The following TNN variants were observed in gnomAD, a reference collection of about 807,000 sequenced individuals.
TNN encodes the protein tenascin-N.
In TNN, 122 loss-of-function variants were observed where a neutral mutation model predicts 134.4. The observed-to-expected ratio is 0.91, with a 90% CI of 0.78 to 1.06. The LOEUF (loss-of-function observed/expected upper bound fraction) is 1.06. TNN is among the 50% of genes least tolerant of loss of function. TNN has a pLI of 0.00. For synonymous variants in TNN, 710 were observed against 670.3 expected, an observed-to-expected ratio of 1.06 and a Z score of -0.91; for missense variants, 1,739 against 1,699.4, an observed-to-expected ratio of 1.02 and a Z score of -0.41.
At chr1:175,134,994 A>T (rs1675760625) in intron 15 of TNN, among the ~76,000 whole-genome samples, 1 of 151,842 alleles carries the variant, frequency 6.6e-6, no homozygotes, top group Non-Finnish European at 1.5e-5. Context: ...ACCAGGACTG[A>T]CTCTTGCCAT....
chr1:175,125,750 T>C (rs1675505592), intron 12 of TNN, among the ~76,000 whole-genome samples: 1 of 145,238 alleles, frequency 6.9e-6, no homozygotes, highest in East Asian at 2.0e-4. Flanking sequence ...TCTTTCTTTC[T>C]TTCTTTCTCT....
Position 175,077,696 on chromosome 1 carries a change from A to G in TNN, c.278A>G (p.Gln93Arg). 6.2e-7 allele frequency: 1 copy of G among 1,614,266 alleles called. No homozygotes were observed. Among genetic ancestry groups the G allele is most frequent in the African/African-American group, 1.3e-5 (1 of 75,070 alleles). The change falls in exon 2 of 19, where the codon CAG becomes CGG. Residue 93 changes from glutamine (Q) to arginine (R), a missense_variant. Coordinates refer to ENST00000239462, the MANE Select transcript of TNN (RefSeq NM_022093.2). Reference protein sequence around the residue: ...NIIFRHNIRLQTPQKDCELAG... With the variant: ...NIIFRHNIRLRTPQKDCELAG... ...ATCTTCAGGCACAACATCCGCCTTC[A>G]GACGCCACAGAAGGACTGCGAGTTG...
rs539196690 is a variant in TNN, at chr1:175,141,955, G to A, written c.3596-2432G>A. Among the ~76,000 whole-genome samples the A allele has an allele frequency of 5.3e-5, 8 of 152,274 alleles. No homozygotes were observed. The South Asian group carries it at 1.7e-3, about 32-fold the overall frequency. On this transcript the variant is annotated intron_variant, in intron 17 of 18. Coordinates refer to ENST00000239462, the MANE Select transcript of TNN (RefSeq NM_022093.2). ...TTACCTTTCTTTATCCCAGTGCCCAGGTTTAGATCATCACAAACATGTCTT... is the reference window on the plus strand; with the variant it reads ...TTACCTTTCTTTATCCCAGTGCCCAAGTTTAGATCATCACAAACATGTCTT...
At chr1:175,130,636 T>C (rs6670979) in intron 15 of TNN, among the ~76,000 whole-genome samples, 98,790 of 152,050 alleles carry the variant, frequency 0.65, 32,950 homozygotes, top group African/African-American at 0.72. Context: ...GGGCAACATT[T>C]AGAAAGAGAT....
In TNN at chr1:175,097,656, A is replaced by C. The variant is rs773498573; in HGVS notation, c.1828A>C (p.Lys610Gln). 1 of 1,614,214 alleles carries C rather than the reference A, an allele frequency of 6.2e-7. No homozygotes were observed. The highest frequency in any genetic ancestry group is 8.5e-7 in the Non-Finnish European group (1 of 1,180,030). Residue 610 changes from lysine to glutamine, a missense_variant, in exon 8 of 19, where the codon AAG becomes CAG. By Grantham distance (53) the Lys-to-Gln change is moderately conservative. Transcript: ENST00000239462. ...VWAQKGDRES[K>Q]KADTNAPTDI... ...GGCCCAGAAGGGGGACCGAGAGAGC[A>C]AGAAGGCTGACACCAACGCCCCGAC...
At chr1:175,071,289 T>C (rs1673908347) in intron 1 of TNN, among the ~76,000 whole-genome samples, 1 of 152,212 alleles carries the variant, frequency 6.6e-6, no homozygotes, top group African/African-American at 2.4e-5. Flanking sequence ...AGGGTGTGTG[T>C]CCTTCTTTGG....
At chr1:175,142,362 A>G (rs1309257619) in intron 17 of TNN, among the ~76,000 whole-genome samples, 1 of 152,152 alleles carries the variant, frequency 6.6e-6, no homozygotes, top group Non-Finnish European at 1.5e-5. Context: ...TATTCACCCC[A>G]CCCACTCCAA....
In TNN at chr1:175,117,053, C is replaced by A. The variant is rs373529382; in HGVS notation, c.2234C>A (p.Ala745Asp). ...IDRYVVRYTS[A>D]KDGETREVPV... is the part of the protein sequence containing the mutation. ...AGGTATGTGGTGCGCTACACCTCTG[C>A]CAAGGACGGAGAGACCAGGGAGGTT... The change falls in exon 10 of 19, where the codon GCC becomes GAC. Residue 745 changes from alanine (A) to aspartate (D), a missense_variant. Coordinates refer to ENST00000239462, the MANE Select transcript of TNN (RefSeq NM_022093.2). 1.5e-4 allele frequency: 238 copies of A among 1,614,098 alleles called. No homozygotes were observed. Among genetic ancestry groups the A allele is most frequent in the Admixed American group, 2.0e-4 (12 of 60,006 alleles).
At chr1:175,126,814 G>A (rs1675540452) in intron 12 of TNN, 141 bp from the exon 13 acceptor site, 10 of 862,990 alleles carry the variant, frequency 1.2e-5, no homozygotes, top group Non-Finnish European at 1.7e-5. Context: ...GTGGCAGGGA[G>A]GAAGAGAGCC....
chr1:175,091,904 A>G (rs1674458048), intron 6 of TNN, among the ~76,000 whole-genome samples: 1 of 152,088 alleles, frequency 6.6e-6, no homozygotes. Context: ...TATATTTTTC[A>G]ATACACACAG....
chr1:175,107,654 A>G lies in TNN; in HGVS notation c.2119+9059A>G, dbSNP rs1674894547. 2.1e-5 allele frequency among the ~76,000 whole-genome samples: 3 copies of G among 140,062 alleles called. No homozygotes were observed. The South Asian group carries it at 7.6e-4, about 35-fold the overall frequency. The allele number at this position is 140,062 out of a possible 152,430, so 91.9% of individuals were successfully genotyped here. A position where few individuals can be genotyped will look rare whatever the true frequency, so the allele number is the denominator to read the frequency against. Reference sequence around the variant, plus strand: ...GGAAGGGGACCCGAGAAGGTTGCCAATGCTGGCTCGGGCAGCCTGCTTTTA... The same window carrying G: ...GGAAGGGGACCCGAGAAGGTTGCCAGTGCTGGCTCGGGCAGCCTGCTTTTA... On this transcript the variant is annotated intron_variant, in intron 9 of 18. Coordinates refer to ENST00000239462, the MANE Select transcript of TNN (RefSeq NM_022093.2).
intron 9 of TNN, among the ~76,000 whole-genome samples, chr1:175,112,482 A>C (rs759161763): frequency 1.3e-4 from 20 of 151,542 alleles, no homozygotes; most frequent in Non-Finnish European, 2.5e-4. Flanking sequence ...TTTACATGGA[A>C]TATCTTTTTC....
At chr1:175,108,584 A>T (rs1045134085) in intron 9 of TNN, among the ~76,000 whole-genome samples, 1 of 152,260 alleles carries the variant, frequency 6.6e-6, no homozygotes, top group Admixed American at 6.5e-5. Context: ...GGCGGGCTGC[A>T]GGTCTCGAGC....
chr1:175,084,609 G>A (rs573107093), intron 5 of TNN, among the ~76,000 whole-genome samples: 1 of 152,308 alleles, frequency 6.6e-6, no homozygotes, highest in East Asian at 1.9e-4. Context: ...AAAGTGTGGG[G>A]CTTATTAGCT....
At position 175,144,351 on chromosome 1, in the gene TNN, C is replaced by T. The variant is rs376696328; in HGVS notation, c.3596-36C>T. The T allele has an allele frequency of 3.1e-6, 5 of 1,603,910 alleles. No homozygotes were observed. In the African/African-American group the frequency reaches 5.4e-5, roughly 17 times the overall value. On this transcript the variant is annotated intron_variant, in intron 17 of 18. Transcript: ENST00000239462. ...TTTTGATCATCTCCTCGGTGGCTAA[C>T]CCTGGGCTCTCGCCTCCGTCTCTTC...
rs576204862 is a variant in TNN at position 175,133,681 on chromosome 1, T to A, written c.3331-2164T>A. ...CAGTTCCCATTTTCTTCCTACGTGA[T>A]CTCAGCTTTTCCCATGACTTCATTT... On this transcript the variant is annotated intron_variant, in intron 15 of 18. Transcript: ENST00000239462. Among the ~76,000 whole-genome samples the A allele has an allele frequency of 1.4e-4, 22 of 152,334 alleles. No homozygotes were observed. The East Asian group carries it at 3.9e-3, about 27-fold the overall frequency.
intron 10 of TNN, among the ~76,000 whole-genome samples, chr1:175,117,549 A>G (rs1675217960): frequency 6.6e-6 from 1 of 152,184 alleles, no homozygotes; most frequent in Non-Finnish European, 1.5e-5. Context: ...TAATAATAGT[A>G]TATTGAAAAT....
rs1222163914 is a variant in TNN at position 175,147,085 on chromosome 1, C to G, written c.*14C>G. The stretch of plus-strand genomic sequence containing the variant: ...CGAACGTTCTGATGGCCCGTGTGAG[C>G]AGTCCTCGCAGGAGACACCACCAGC... On this transcript the variant is annotated 3_prime_UTR_variant, in exon 19 of 19. Coordinates refer to ENST00000239462, the MANE Select transcript of TNN (RefSeq NM_022093.2). 1 of 1,551,058 alleles carries G rather than the reference C, an allele frequency of 6.4e-7. No homozygotes were observed. The highest frequency in any genetic ancestry group is 2.3e-5 in the East Asian group (1 of 43,904).
intron 18 of TNN, among the ~76,000 whole-genome samples, chr1:175,145,842 G>T (rs1255645118): frequency 6.6e-6 from 1 of 151,972 alleles, no homozygotes; most frequent in African/African-American, 2.4e-5. Context: ...CTTCCCACCT[G>T]CTCCCTCACA....
Sources: gnomAD v4.1 joint callset for allele counts (sites outside exome capture counted in the v4.1 genomes callset) on GRCh38, gnomAD v4.1.1 for gene constraint, MANE v1.5 for transcripts, NCBI Gene and HGNC (gene_info 2026-07-23, HGNC 2026-07-21) for gene names.